The following AK6 variants were observed in gnomAD, a reference collection of about 807,000 sequenced individuals.
The protein encoded by AK6 is adenylate kinase isoenzyme 6.
AK6 carries 24 observed loss-of-function variants against 23.7 expected under a neutral mutation model. The observed-to-expected ratio is 1.01, with a 90% confidence interval of 0.73 to 1.43. AK6 has a LOEUF of 1.43. Ranked by LOEUF, AK6 falls within the 40% of genes most tolerant of loss-of-function variation. The probability of loss-of-function intolerance (pLI) is 0.00; values close to 1 mark genes in which losing one functional copy is unlikely to be tolerated. For missense variants in AK6, 191 were observed against 199.1 expected (o/e 0.96, Z 0.24); for synonymous variants, 73 against 69.8 (o/e 1.05, Z -0.23).
intron 2 of AK6, chr5:69,365,802 G>T: frequency 7.6e-7 from 1 of 1,310,428 alleles, no homozygotes; most frequent in Non-Finnish European, 1.0e-6. Context: ...ATCTGAAATA[G>T]TTACTTTAGT....
At chr5:69,361,295 G>T (rs898282264) in intron 2 of AK6, among the ~76,000 whole-genome samples, 1 of 151,946 alleles carries the variant, frequency 6.6e-6, no homozygotes, top group Non-Finnish European at 1.5e-5. Flanking sequence ...CTAATTTTTT[G>T]TATTTTTAGT....
At chr5:69,364,873 A>C in intron 2 of AK6, 2 of 1,346,562 alleles carry the variant, frequency 1.5e-6, no homozygotes, top group Non-Finnish European at 2.0e-6. Flanking sequence ...GAAAACATCC[A>C]GCATGCATGT....
chr5:69,366,591 T>C lies in AK6; in HGVS notation c.33A>G (p.Thr11=), dbSNP rs1243815537. ...CTAGTGTGGTTTTTCCAACCCCTGG[T>C]GTACCTGTAAGACAAGCCACAGAAA... is the stretch of plus-strand genomic sequence containing the variant. MLLPNILLTG[T]PGVGKTTLGK... Residue 11 remains threonine, a synonymous_variant, in exon 2 of 5, where the codon ACA becomes ACG. Transcript: ENST00000380822. 1.2e-6 allele frequency: 2 copies of C among 1,612,620 alleles called. No individual in the cohort carries two copies. The highest frequency in any genetic ancestry group is 1.3e-5 in the African/African-American group (1 of 75,000).
chr5:69,358,148 C>T (rs1004651712), intron 2 of AK6, among the ~76,000 whole-genome samples: 8 of 152,004 alleles, frequency 5.3e-5, no homozygotes, highest in African/African-American at 1.7e-4. Flanking sequence ...TCTAAGAATA[C>T]CTATAGCTGA....
chr5:69,366,493 T>C lies in AK6; in HGVS notation c.121+10A>G, dbSNP rs772385648. ...AAACAAAACAAATCTAACACCAAAG[T>C]GTCCCTTACCTTCTCGAGCTAAATC... On this transcript the variant is annotated intron_variant, in intron 2 of 4. Coordinates refer to ENST00000380822, the MANE Select transcript of AK6 (RefSeq NM_016283.5). The C allele has an allele frequency of 1.9e-6, 3 of 1,605,598 alleles. No individual in the cohort carries two copies. The Admixed American group carries it at 5.1e-5, about 27-fold the overall frequency.
intron 2 of AK6, among the ~76,000 whole-genome samples, chr5:69,361,690 C>T (rs1762241766): frequency 1.3e-5 from 2 of 150,754 alleles, no homozygotes; most frequent in African/African-American, 4.9e-5. Context: ...CCGCAGCCTC[C>T]GCCTAACGGG....
intron 2 of AK6, chr5:69,365,535 G>A: frequency 6.2e-7 from 1 of 1,613,856 alleles, no homozygotes; most frequent in Non-Finnish European, 8.5e-7. Context: ...CACATCATCT[G>A]CATCAACAGT....
At position 69,352,502 on chromosome 5, in the gene AK6, C is replaced by G. The variant is rs76496463; in HGVS notation, c.327-249G>C. On this transcript the variant is annotated intron_variant, in intron 4 of 4. Coordinates refer to ENST00000380822, the MANE Select transcript of AK6 (RefSeq NM_016283.5). ...CCCCCCCCACAATTTGTCAGCTACT[C>G]AATAAATTCCCAATGAATTAGTAAA... 4.8e-3 allele frequency among the ~76,000 whole-genome samples: 731 copies of G among 151,614 alleles called. 5 individuals are homozygous for G. Among genetic ancestry groups the G allele is most frequent in the Non-Finnish European group, 8.0e-3 (544 of 67,856 alleles).
chr5:69,353,164 T>C (rs1761992672), intron 4 of AK6, among the ~76,000 whole-genome samples: 1 of 152,144 alleles, frequency 6.6e-6, no homozygotes, highest in Non-Finnish European at 1.5e-5. Flanking sequence ...TCCTGTATGA[T>C]TTCATTCATA....
intron 4 of AK6, among the ~76,000 whole-genome samples, chr5:69,353,480 T>C (rs1249888756): frequency 2.0e-5 from 3 of 151,930 alleles, no homozygotes; most frequent in Non-Finnish European, 4.4e-5. Context: ...GTATTCCTAG[T>C]AGAGACGGGG....
At chr5:69,369,243 C>CCCCCCCCCCCG in intron 1 of AK6, 1 of 261,300 alleles carries the variant, frequency 3.8e-6, no homozygotes, top group Non-Finnish European at 7.1e-6. Flanking sequence ...CCCGCCCCCC[C>CCCCCCCCCCCG]CCGGAGCCTC....
At chr5:69,357,050 T>C (rs1003208462) in intron 2 of AK6, among the ~76,000 whole-genome samples, 6 of 152,194 alleles carry the variant, frequency 3.9e-5, no homozygotes, top group African/African-American at 7.2e-5. Context: ...GCATGTTATA[T>C]AGCAGTCTTC....
At chr5:69,369,383 C>T (rs572484739) in intron 1 of AK6, 80 bp downstream of exon 1, 9 of 1,538,712 alleles carry the variant, frequency 5.8e-6, no homozygotes, top group African/African-American at 2.8e-5. Context: ...TGAGGGGCCC[C>T]CACCTGGGCG....
intron 1 of AK6, 87 bp downstream of exon 1, chr5:69,369,376 G>A (rs1762741206): frequency 1.3e-6 from 2 of 1,497,970 alleles, no homozygotes; most frequent in East Asian, 2.5e-5. Flanking sequence ...AGGGCAGTGA[G>A]GGGCCCCCAC....
At chr5:69,360,485 G>C (rs911721645) in intron 2 of AK6, among the ~76,000 whole-genome samples, 28 of 152,172 alleles carry the variant, frequency 1.8e-4, no homozygotes, top group Non-Finnish European at 1.3e-4. Context: ...CTATCCAGAT[G>C]GTTGTCTAAT....
intron 2 of AK6, among the ~76,000 whole-genome samples, chr5:69,362,076 A>C (rs1312347019): frequency 6.7e-6 from 1 of 149,528 alleles, no homozygotes; most frequent in African/African-American, 2.4e-5. Flanking sequence ...ACTTTTAGAA[A>C]TAAGTTTAAA....
chr5:69,355,752 T>C lies in AK6; in HGVS notation c.223A>G (p.Ile75Val). ...LDNQMREGGV[I>V]VDYHGCDFFP... ...AAATCACAACCATGGTAATCAACAA[T>C]AACTCCACCTTCTCTCATTTGGTTA... The change falls in exon 4 of 5, where the codon ATT (isoleucine) becomes GTT (valine). Residue 75 changes from isoleucine (I) to valine (V), a missense_variant. Transcript: ENST00000380822. 1 of 1,613,296 alleles carries C rather than the reference T, an allele frequency of 6.2e-7. No homozygotes were observed. The highest frequency in any genetic ancestry group is 8.5e-7 in the Non-Finnish European group (1 of 1,179,804).
chr5:69,369,666 G>C, upstream of AK6: 1 of 1,558,074 alleles, frequency 6.4e-7, no homozygotes. Flanking sequence ...CCTGGCTTTC[G>C]ATGACACATT....
intron 4 of AK6, among the ~76,000 whole-genome samples, chr5:69,353,237 G>A (rs1761995099): frequency 6.6e-6 from 1 of 152,092 alleles, no homozygotes; most frequent in African/African-American, 2.4e-5. Context: ...GCCTAGGGCT[G>A]GGGAACTGAG....
Sources: gnomAD v4.1 joint callset for allele counts (sites outside exome capture counted in the v4.1 genomes callset) on GRCh38, gnomAD v4.1.1 for gene constraint, MANE v1.5 for transcripts, NCBI Gene and HGNC (gene_info 2026-07-23, HGNC 2026-07-21) for gene names.